TNFSF11: variants seen among roughly 807,000 people sequenced by gnomAD.
TNFSF11 encodes the protein TNF superfamily member 11, also known as tumor necrosis factor ligand superfamily member 11.
Under a neutral mutation model 32.2 loss-of-function variants are expected in TNFSF11, and 12 were observed. That is an observed-to-expected ratio of 0.37 (90% CI 0.24 to 0.60). The LOEUF is 0.60. Among genes scored for constraint, TNFSF11 ranks in the 20% least tolerant of loss-of-function variants. The probability of loss-of-function intolerance (pLI) is 0.66; values close to 1 mark genes in which losing one functional copy is unlikely to be tolerated. For synonymous variants in TNFSF11, 172 were observed against 152.1 expected (o/e 1.13, Z -0.96); for missense variants, 345 against 398.0 (o/e 0.87, Z 1.13).
chr13:42,563,952 C>G (rs1872776909), intron 1 of TNFSF11, among the ~76,000 whole-genome samples: 1 of 152,130 alleles, frequency 6.6e-6, no homozygotes, highest in Non-Finnish European at 1.5e-5. Flanking sequence ...TTCTGGAACT[C>G]CAATTACACA....
chr13:42,578,529 T>C lies in TNFSF11; in HGVS notation c.220-2597T>C, dbSNP rs533244140. Among the ~76,000 whole-genome samples the C allele has an allele frequency of 4.6e-5, 7 of 152,350 alleles. No homozygotes were observed. In the East Asian group the frequency reaches 1.3e-3, roughly 29 times the overall value. The stretch of plus-strand genomic sequence containing the variant: ...ATGTGTGATCCTTGAGTAAACAAAA[T>C]AAATGAGTATATTAAAAGCAATTAT... On this transcript the variant is annotated intron_variant, in intron 1 of 4. Transcript: ENST00000398795.
At chr13:42,574,585 G>A (rs1594458345) in intron 1 of TNFSF11, 63 bp downstream of exon 1, 7 of 1,563,996 alleles carry the variant, frequency 4.5e-6, no homozygotes, top group African/African-American at 2.7e-5. Flanking sequence ...CCCGCACTTG[G>A]AAACTGAGTC....
intron 1 of TNFSF11, among the ~76,000 whole-genome samples, chr13:42,566,259 T>C (rs1872865316): frequency 6.6e-6 from 1 of 152,202 alleles, no homozygotes; most frequent in Non-Finnish European, 1.5e-5. Flanking sequence ...CTTCTTATGC[T>C]GCCATCCTGG....
At chr13:42,599,349 C>CTATCTATCATCCATCTATCTATCTATCT in intron 2 of TNFSF11, among the ~76,000 whole-genome samples, 1 of 112,246 alleles carries the variant, frequency 8.9e-6, no homozygotes, top group East Asian at 2.7e-4. Flanking sequence ...ATCTATCTAT[C>CTATCTATCATCCATCTATCTATCTATCT]ATCTATCTAT....
chr13:42,563,187 G>A (rs1872735117), intron 1 of TNFSF11, among the ~76,000 whole-genome samples: 1 of 152,190 alleles, frequency 6.6e-6, no homozygotes, highest in South Asian at 2.1e-4. Context: ...ACCCACAGCA[G>A]GCTCCCCTTC....
At chr13:42,597,912 C>T (rs961069101) in intron 2 of TNFSF11, among the ~76,000 whole-genome samples, 3 of 152,074 alleles carry the variant, frequency 2.0e-5, no homozygotes, top group Non-Finnish European at 2.9e-5. Flanking sequence ...TGCAGTGGCA[C>T]GTCACAGCTC....
intron 2 of TNFSF11, among the ~76,000 whole-genome samples, chr13:42,592,664 G>A (rs1868552955): frequency 6.6e-6 from 1 of 152,162 alleles, no homozygotes; most frequent in Non-Finnish European, 1.5e-5. Flanking sequence ...GGAAGTCAAG[G>A]GGTGTGATAT....
intron 2 of TNFSF11, among the ~76,000 whole-genome samples, chr13:42,592,115 G>A (rs1566382954): frequency 6.6e-6 from 1 of 152,154 alleles, no homozygotes; most frequent in African/African-American, 2.4e-5. Flanking sequence ...TGTGGCGTTT[G>A]CCCTCACACA....
At chr13:42,604,928 C>T (rs929948344) in intron 4 of TNFSF11, among the ~76,000 whole-genome samples, 5 of 152,094 alleles carry the variant, frequency 3.3e-5, no homozygotes, top group African/African-American at 7.2e-5. Flanking sequence ...GGATTACGGG[C>T]GCCTGCCACC....
chr13:42,581,097 C>G (rs199500013), intron 1 of TNFSF11, 29 bp from the exon 2 acceptor site: 2 of 1,612,994 alleles, frequency 1.2e-6, no homozygotes, highest in Middle Eastern at 1.7e-4. Context: ...GATAAGCACT[C>G]TAACGTCCTT....
upstream of TNFSF11, among the ~76,000 whole-genome samples, chr13:42,572,381 T>C (rs1460722092): frequency 6.6e-6 from 1 of 152,214 alleles, no homozygotes; most frequent in Admixed American, 6.5e-5. Flanking sequence ...ATTGTGGGTT[T>C]AGTTGTTATA....
intron 2 of TNFSF11, among the ~76,000 whole-genome samples, chr13:42,584,723 CTTATTAAGGGCACGTAGTCTTAA>C (rs1457726371): frequency 6.6e-6 from 1 of 152,162 alleles, no homozygotes; most frequent in African/African-American, 2.4e-5. Context: ...ATCAACTGCG[CTTATTAAGGGCACGTAGTCTTAA>C]TTATACTGAT....
intron 2 of TNFSF11, among the ~76,000 whole-genome samples, chr13:42,592,308 C>T (rs1868528418): frequency 1.3e-5 from 2 of 152,180 alleles, no homozygotes; most frequent in Non-Finnish European, 2.9e-5. Context: ...AGCTACAAAT[C>T]GGGGGTTCCC....
rs909603977 is a variant in TNFSF11 at position 42,574,241 on chromosome 13, G to T, written c.-63G>T. On this transcript the variant is annotated 5_prime_UTR_variant, in exon 1 of 5. Transcript: ENST00000398795. Reference sequence around the variant, plus strand: ...TCCGCCGCAGCCTCCGGAGTTGGCCGCAGACAAGAAGGGGAGGGAGCGGGA... The same window carrying T: ...TCCGCCGCAGCCTCCGGAGTTGGCCTCAGACAAGAAGGGGAGGGAGCGGGA... 5 of 1,533,862 alleles carry T rather than the reference G, an allele frequency of 3.3e-6. No individual in the cohort carries two copies. The Admixed American group carries it at 9.8e-5, about 30-fold the overall frequency.
At chr13:42,573,074 T>C (rs1006741416), upstream of TNFSF11, among the ~76,000 whole-genome samples, 5 of 152,292 alleles carry the variant, frequency 3.3e-5, no homozygotes, top group South Asian at 4.1e-4. Context: ...CTTAATAGAA[T>C]GTAAATGCTA....
At chr13:42,600,572 T>C (rs1179170125) in intron 2 of TNFSF11, among the ~76,000 whole-genome samples, 180 bp from the exon 3 acceptor site, 1 of 152,192 alleles carries the variant, frequency 6.6e-6, no homozygotes, top group Non-Finnish European at 1.5e-5. Context: ...CACCAATTCT[T>C]TTGGGGGAAC....
Position 42,606,714 on chromosome 13 carries a change from A to C in TNFSF11, c.750A>C (p.Pro250=). The change falls in exon 5 of 5, where the codon CCA becomes CCC. Residue 250 remains proline (P), a synonymous_variant. Coordinates refer to ENST00000398795, the MANE Select transcript of TNFSF11 (RefSeq NM_003701.4). ...TCACTAAAACCAGCATCAAAATCCCAAGTTCTCATACCCTGATGAAAGGAG... is the reference window on the plus strand; with the variant it reads ...TCACTAAAACCAGCATCAAAATCCCCAGTTCTCATACCCTGATGAAAGGAG... ...VYVTKTSIKI[P]SSHTLMKGGS... 1.2e-6 allele frequency: 2 copies of C among 1,614,186 alleles called. No individual in the cohort carries two copies. The highest frequency in any genetic ancestry group is 1.7e-6 in the Non-Finnish European group (2 of 1,180,040).
chr13:42,574,133 T>G (rs1873175693), upstream of TNFSF11: 6 of 815,818 alleles, frequency 7.4e-6, no homozygotes, highest in Non-Finnish European at 1.2e-5. Context: ...TTATAAGAGT[T>G]GGGGCTGCCG....
chr13:42,585,130 G>A (rs1019209578), intron 2 of TNFSF11, among the ~76,000 whole-genome samples: 2 of 152,162 alleles, frequency 1.3e-5, no homozygotes, highest in Non-Finnish European at 2.9e-5. Context: ...CCTTTGATGA[G>A]GATTATCGGT....
Sources: gnomAD v4.1 joint callset for allele counts (sites outside exome capture counted in the v4.1 genomes callset) on GRCh38, gnomAD v4.1.1 for gene constraint, MANE v1.5 for transcripts, NCBI Gene and HGNC (gene_info 2026-07-23, HGNC 2026-07-21) for gene names.